Variants in GPR89B observed in about 807,000 individuals in gnomAD.
The protein encoded by GPR89B is G protein-coupled receptor 89B.
GPR89B carries 25 observed loss-of-function variants against 52.4 expected under a neutral mutation model. That is an observed-to-expected ratio of 0.48 (90% CI 0.35 to 0.67). The LOEUF (loss-of-function observed/expected upper bound fraction) is 0.67, where lower values mean the gene tolerates loss of function less well. Among genes scored for constraint, GPR89B ranks in the 30% least tolerant of loss-of-function variants. The pLI, the probability that GPR89B is intolerant of heterozygous loss-of-function variation, is 0.01. For missense variants in GPR89B, 146 were observed against 450.2 expected (o/e 0.32, Z 6.11); for synonymous variants, 52 against 151.2 (o/e 0.34, Z 4.81).
At chr1:147,986,094 G>C in intron 10 of GPR89B, 105 bp from the exon 11 acceptor site, 1 of 1,598,014 alleles carries the variant, frequency 6.3e-7, no homozygotes, top group Non-Finnish European at 8.5e-7. Flanking sequence ...TAGGAACATT[G>C]ACCTGTAAGA....
chr1:147,942,190 A>G (rs1553249045), intron 3 of GPR89B, among the ~76,000 whole-genome samples: 1 of 152,110 alleles, frequency 6.6e-6, no homozygotes, highest in African/African-American at 2.4e-5. Flanking sequence ...ACAAATGGCC[A>G]GTAAGCACAT....
chr1:147,987,981 C>T (rs1308626873), intron 11 of GPR89B, among the ~76,000 whole-genome samples: 1 of 151,876 alleles, frequency 6.6e-6, no homozygotes, highest in African/African-American at 2.4e-5. Context: ...CTTTTAATTC[C>T]TGCTTTTCAT....
intron 7 of GPR89B, among the ~76,000 whole-genome samples, chr1:147,958,629 ACT>A (rs1233155871): frequency 3.3e-4 from 49 of 147,960 alleles, no homozygotes; most frequent in Non-Finnish European, 1.2e-4. Flanking sequence ...GCAGAACGAG[ACT>A]CTGTCTCAAA....
the GPR89B span, among the ~76,000 whole-genome samples, chr1:148,007,169 G>A: frequency 1.6e-5 from 2 of 126,236 alleles, no homozygotes; most frequent in Admixed American, 8.4e-5. Context: ...TCCGCCTCCC[G>A]GGTTCACACC....
intron 10 of GPR89B, among the ~76,000 whole-genome samples, chr1:147,981,687 C>A (rs1658263569): frequency 6.6e-6 from 1 of 151,886 alleles, no homozygotes; most frequent in African/African-American, 2.4e-5. Flanking sequence ...CAGTCTCACT[C>A]TGTTGCCCAG....
chr1:148,018,374 A>G, the GPR89B span, among the ~76,000 whole-genome samples: 6 of 145,646 alleles, frequency 4.1e-5, no homozygotes, highest in East Asian at 1.2e-3. Context: ...AGCCAAGATC[A>G]TGCCACTGCA....
At chr1:148,019,568 A>AC in the GPR89B span, among the ~76,000 whole-genome samples, 3 of 151,952 alleles carry the variant, frequency 2.0e-5, no homozygotes, top group Non-Finnish European at 4.4e-5. Flanking sequence ...CTGCACATGT[A>AC]CCCTGAACTT....
the GPR89B span, among the ~76,000 whole-genome samples, chr1:148,000,632 A>AT: frequency 4.0e-5 from 6 of 150,580 alleles, no homozygotes; most frequent in Admixed American, 6.6e-5. Context: ...TGTACCGCTT[A>AT]TTTTAGATTC....
At chr1:147,948,163 GT>G (rs1553250107) in intron 5 of GPR89B, among the ~76,000 whole-genome samples, 1 of 151,472 alleles carries the variant, frequency 6.6e-6, no homozygotes, top group East Asian at 2.0e-4. Flanking sequence ...AGTGCAAACA[GT>G]TAGATCCACC....
At chr1:147,977,173 G>A (rs1247875300) in intron 10 of GPR89B, among the ~76,000 whole-genome samples, 21 of 133,232 alleles carry the variant, frequency 1.6e-4, no homozygotes, top group African/African-American at 5.4e-4. Flanking sequence ...GGCGGAGGTT[G>A]CAGTGAGCCG....
chr1:147,968,127 G>A (rs1657163296), intron 8 of GPR89B: 9 of 381,388 alleles, frequency 2.4e-5, no homozygotes, highest in South Asian at 1.4e-4. Flanking sequence ...AGCTGTGTTA[G>A]TGATGAGTTA....
Position 147,968,955 on chromosome 1 carries a change from G to A in GPR89B, c.808G>A (p.Ala270Thr). 2 of 1,605,530 alleles carry A rather than the reference G, an allele frequency of 1.2e-6. No homozygotes were observed. The highest frequency in any genetic ancestry group is 3.4e-5 in the Admixed American group (2 of 59,650). ...TTTTCTGGAAACAGCTGATCTATAT[G>A]CTACCAAGGTACAGAGCAAGGAAAC... ...QLFLETADLY[A>T]TKERIEYSKT... The change falls in exon 9 of 14, where the codon GCT (alanine) becomes ACT (threonine). Residue 270 changes from alanine (A) to threonine (T), a missense_variant. By Grantham distance (58) the Ala-to-Thr change is moderately conservative (BLOSUM62 0). Transcript: ENST00000314163.
At chr1:147,950,096 A>G (rs1258251027) in intron 5 of GPR89B, among the ~76,000 whole-genome samples, 2 of 147,582 alleles carry the variant, frequency 1.4e-5, no homozygotes, top group African/African-American at 5.1e-5. Context: ...TCCCTCCCGG[A>G]CGGGGTGGCT....
At chr1:147,937,502 G>T (rs1354964314) in intron 2 of GPR89B, among the ~76,000 whole-genome samples, 1 of 152,156 alleles carries the variant, frequency 6.6e-6, no homozygotes, top group East Asian at 1.9e-4. Flanking sequence ...CACTGTAGGA[G>T]ACCAGGGTGT....
chr1:148,002,039 T>C, the GPR89B span, among the ~76,000 whole-genome samples: 63 of 73,968 alleles, frequency 8.5e-4, no homozygotes, highest in African/African-American at 2.0e-3. Context: ...CAGATGCTGC[T>C]TTTTTTTTTT....
chr1:148,011,211 G>GT, the GPR89B span: 4 of 152,266 alleles, frequency 2.6e-5, no homozygotes, highest in East Asian at 7.7e-4. Context: ...TACTACACAG[G>GT]CTGTACAGCA....
chr1:147,930,084 G>A (rs1369424242), intron 1 of GPR89B, among the ~76,000 whole-genome samples: 1 of 152,148 alleles, frequency 6.6e-6, no homozygotes, highest in African/African-American at 2.4e-5. Flanking sequence ...TTTTTAGCAT[G>A]GATATAATTG....
chr1:148,016,725 G>A, the GPR89B span, among the ~76,000 whole-genome samples: 60 of 151,886 alleles, frequency 4.0e-4, no homozygotes, highest in Admixed American at 3.1e-3. Flanking sequence ...AACCCCACTC[G>A]TAATAAAAAT....
intron 3 of GPR89B, 24 bp downstream of exon 3, chr1:147,938,841 C>T: frequency 5.5e-6 from 8 of 1,457,434 alleles, no homozygotes; most frequent in Non-Finnish European, 7.4e-6. Context: ...CTGAAAACTC[C>T]TCTTGAAGAG....
Sources: gnomAD v4.1 joint callset for allele counts (sites outside exome capture counted in the v4.1 genomes callset) on GRCh38, gnomAD v4.1.1 for gene constraint, MANE v1.5 for transcripts, NCBI Gene and HGNC (gene_info 2026-07-23, HGNC 2026-07-21) for gene names.